MAOB: variants seen among roughly 807,000 people sequenced by gnomAD.
MAOB encodes amine oxidase [flavin-containing] B.
A neutral mutation model predicts 41.9 loss-of-function variants in MAOB; 15 were observed. That is an observed-to-expected ratio of 0.36 (90% CI 0.24 to 0.55). The LOEUF (loss-of-function observed/expected upper bound fraction) is 0.55. Ranked by LOEUF, MAOB falls within the 20% of genes least tolerant of loss-of-function variation. The pLI is 0.86. For synonymous variants in MAOB, 167 were observed against 144.2 expected (o/e 1.16, Z -1.13); for missense variants, 345 against 398.7 (o/e 0.87, Z 1.15).
chrX:43,819,365 A>T (rs759317984), intron 3 of MAOB, among the ~76,000 whole-genome samples: 1 of 111,417 alleles, frequency 9.0e-6, no homozygotes, highest in African/African-American at 3.3e-5. Flanking sequence ...TATCTACATG[A>T]GGATAGAAAG....
At chrX:43,813,292 C>A (rs1029970019) in intron 3 of MAOB, among the ~76,000 whole-genome samples, 2 of 112,047 alleles carry the variant, frequency 1.8e-5, no homozygotes, top group Non-Finnish European at 3.8e-5. Context: ...AGTGAGTAAG[C>A]TGCTGATAGT....
intron 3 of MAOB, among the ~76,000 whole-genome samples, chrX:43,805,278 T>TA (rs36068670): frequency 0.069 from 7,655 of 111,266 alleles, 513 homozygotes; most frequent in African/African-American, 0.2. Context: ...CCTATCTAAC[T>TA]AAATTTTGTA....
intron 3 of MAOB, among the ~76,000 whole-genome samples, chrX:43,831,007 GTGTGTGTGTGTGTGTGTGTGTGTGTA>G (rs898304669): frequency 9.6e-6 from 1 of 104,648 alleles, no homozygotes; most frequent in African/African-American, 3.4e-5. Flanking sequence ...GTGTGTGTGT[GTGTGTGTGTGTGTGTGTGTGTGTGTA>G]TGTGTCAGAC....
chrX:43,867,385 C>G lies in MAOB; in HGVS notation c.46+14869G>C, dbSNP rs182172353. 3.6e-5 allele frequency among the ~76,000 whole-genome samples: 4 copies of G among 111,735 alleles called. No homozygotes were observed. The East Asian group carries it at 1.1e-3, about 31-fold the overall frequency. ...TTAGAATGCCCAGTTAATACATAGCCCAAGAAACTAGAAATTATTTTCTTA... is the reference window on the plus strand; with the variant it reads ...TTAGAATGCCCAGTTAATACATAGCGCAAGAAACTAGAAATTATTTTCTTA... On this transcript the variant is annotated intron_variant, in intron 1 of 14. Transcript: ENST00000378069.
At chrX:43,795,952 T>C in intron 6 of MAOB, 64 bp from the exon 7 acceptor site, 1 of 1,096,546 alleles carries the variant, frequency 9.1e-7, no homozygotes, top group Admixed American at 2.4e-5. Context: ...AAATTCTTAG[T>C]TGTCCTCACA....
At chrX:43,882,196 C>A in intron 1 of MAOB, 58 bp downstream of exon 1, 2 of 1,195,409 alleles carry the variant, frequency 1.7e-6, no homozygotes, top group South Asian at 3.7e-5. Context: ...GCGTCTCCCC[C>A]AGGCAGCCAC....
intron 12 of MAOB, among the ~76,000 whole-genome samples, chrX:43,770,600 T>C (rs192412832): frequency 9.0e-6 from 1 of 111,709 alleles, no homozygotes; most frequent in Non-Finnish European, 1.9e-5. Flanking sequence ...ATTTCTTCAA[T>C]CTATTAAAGA....
intron 3 of MAOB, among the ~76,000 whole-genome samples, chrX:43,817,552 T>C (rs1190941687): frequency 1.8e-5 from 2 of 111,951 alleles, no homozygotes; most frequent in Non-Finnish European, 3.8e-5. Context: ...TCTTGTAAGA[T>C]ATAATTCAGA....
At chrX:43,844,815 C>T (rs1035337308) in intron 1 of MAOB, among the ~76,000 whole-genome samples, 1 of 111,965 alleles carries the variant, frequency 8.9e-6, no homozygotes, top group Non-Finnish European at 1.9e-5. Flanking sequence ...CTTTTGGCCT[C>T]GGACTGGGAG....
intron 3 of MAOB, among the ~76,000 whole-genome samples, chrX:43,803,634 A>G (rs752870985): frequency 2.7e-5 from 3 of 112,153 alleles, no homozygotes; most frequent in Non-Finnish European, 3.8e-5. Flanking sequence ...AGCACGGTAA[A>G]GAGGTTTCTC....
chrX:43,804,630 G>T (rs2034639581), intron 3 of MAOB, among the ~76,000 whole-genome samples: 1 of 111,921 alleles, frequency 8.9e-6, no homozygotes, highest in Non-Finnish European at 1.9e-5. Context: ...CATGTTGATT[G>T]AGAGGGACGG....
chrX:43,784,608 C>T (rs187285386), intron 8 of MAOB, among the ~76,000 whole-genome samples: 3 of 112,136 alleles, frequency 2.7e-5, no homozygotes, highest in African/African-American at 6.5e-5. Context: ...GACTTTGTTG[C>T]TGTTTGATAG....
chrX:43,815,578 T>G (rs2034801877), intron 3 of MAOB, among the ~76,000 whole-genome samples: 1 of 112,019 alleles, frequency 8.9e-6, no homozygotes, highest in Non-Finnish European at 1.9e-5. Context: ...TCTGAAAATT[T>G]GTTGCAAACC....
chrX:43,844,046 A>ACAT, intron 1 of MAOB: 1 of 500,580 alleles, frequency 2.0e-6, no homozygotes, highest in Non-Finnish European at 2.6e-6. Context: ...ATGTCTGATA[A>ACAT]CATAAATGAG....
intron 1 of MAOB, among the ~76,000 whole-genome samples, chrX:43,856,494 A>G (rs1277711735): frequency 8.9e-6 from 1 of 111,971 alleles, no homozygotes; most frequent in Non-Finnish European, 1.9e-5. Flanking sequence ...CGCTTGAACA[A>G]CACAAGGGTT....
chrX:43,818,280 G>T (rs757985896), intron 3 of MAOB, among the ~76,000 whole-genome samples: 6 of 112,380 alleles, frequency 5.3e-5, no homozygotes, highest in Non-Finnish European at 1.1e-4. Context: ...TTGATACACA[G>T]TTGGGTTGTT....
intron 8 of MAOB, among the ~76,000 whole-genome samples, chrX:43,788,753 G>A (rs1350245455): frequency 9.0e-6 from 1 of 110,934 alleles, no homozygotes; most frequent in African/African-American, 3.3e-5. Flanking sequence ...TATGATGTAT[G>A]TTTTTTAAAA....
At chrX:43,827,256 A>G (rs998136351) in intron 3 of MAOB, among the ~76,000 whole-genome samples, 7 of 111,912 alleles carry the variant, frequency 6.3e-5, no homozygotes, top group Admixed American at 1.9e-4. Flanking sequence ...AGTTGTGTGG[A>G]TTGACTGAAC....
intron 1 of MAOB, among the ~76,000 whole-genome samples, chrX:43,862,617 T>G (rs186839949): frequency 4.5e-5 from 5 of 112,086 alleles, no homozygotes; most frequent in African/African-American, 1.6e-4. Flanking sequence ...GTATCAGGAC[T>G]CACCCTGTGG....
Sources: allele counts gnomAD v4.1 joint callset (sites outside exome capture counted in the v4.1 genomes callset), GRCh38; gene constraint gnomAD v4.1.1; transcripts MANE v1.5; gene names NCBI Gene and HGNC (gene_info 2026-07-23, HGNC 2026-07-21).